P3H2: variants seen among roughly 807,000 people sequenced by gnomAD.
The protein encoded by P3H2 is prolyl 3-hydroxylase 2.
A neutral mutation model predicts 87.0 loss-of-function variants in P3H2; 80 were observed. The observed-to-expected ratio is 0.92, with a 90% CI of 0.77 to 1.11. The LOEUF is 1.11. Ranked by LOEUF, P3H2 falls within the 50% of genes least tolerant of loss-of-function variation. The pLI is 0.00. For missense variants in P3H2, 1,001 were observed against 923.9 expected (o/e 1.08, Z -1.08); for synonymous variants, 367 against 359.3 (o/e 1.02, Z -0.24).
intron 1 of P3H2, among the ~76,000 whole-genome samples, chr3:190,035,767 C>T (rs1725399701): frequency 6.6e-6 from 1 of 152,150 alleles, no homozygotes. Flanking sequence ...TAAATACCTT[C>T]TGTTGGGCTT....
Position 190,101,060 on chromosome 3 carries a change from C to T in P3H2, c.480+19192G>A, listed in dbSNP as rs113833895. On this transcript the variant is annotated intron_variant, in intron 1 of 14. Coordinates refer to ENST00000319332, the MANE Select transcript of P3H2 (RefSeq NM_018192.4). ...ACTATTGCAGCTGGTTCGGGCCCCA[C>T]AAACCATGCCCATATAAGATGGCAA... Among the ~76,000 whole-genome samples, 948 of 152,156 alleles carry T rather than the reference C, an allele frequency of 6.2e-3. 7 individuals carry two copies. Among genetic ancestry groups the T allele is most frequent in the African/African-American group, 0.022 (921 of 41,492 alleles).
intron 1 of P3H2, among the ~76,000 whole-genome samples, chr3:190,026,034 G>C (rs186318865): frequency 1.3e-5 from 2 of 151,738 alleles, no homozygotes; most frequent in Non-Finnish European, 2.9e-5. Flanking sequence ...ATTATTTCTC[G>C]GGCCCTTGAA....
At chr3:190,042,558 T>C (rs1345579679) in intron 1 of P3H2, among the ~76,000 whole-genome samples, 1 of 152,152 alleles carries the variant, frequency 6.6e-6, no homozygotes, top group Non-Finnish European at 1.5e-5. Flanking sequence ...ATATAAGATG[T>C]TAGTATATTT....
At chr3:190,051,977 T>C (rs1345302558) in intron 1 of P3H2, among the ~76,000 whole-genome samples, 2 of 152,196 alleles carry the variant, frequency 1.3e-5, no homozygotes, top group African/African-American at 4.8e-5. Context: ...AAAAACTACA[T>C]ACCACAAAAT....
intron 1 of P3H2, among the ~76,000 whole-genome samples, chr3:190,047,689 T>C (rs975781990): frequency 6.6e-6 from 1 of 152,162 alleles, no homozygotes; most frequent in African/African-American, 2.4e-5. Flanking sequence ...AAGACAAATA[T>C]TGCATGTTCT....
chr3:189,990,707 G>A (rs1026639125), intron 3 of P3H2, among the ~76,000 whole-genome samples: 3 of 152,054 alleles, frequency 2.0e-5, no homozygotes, highest in Non-Finnish European at 2.9e-5. Flanking sequence ...ACCTAATTTA[G>A]GACAATTTTG....
At chr3:190,113,100 T>C (rs751213151) in intron 1 of P3H2, among the ~76,000 whole-genome samples, 2 of 152,202 alleles carry the variant, frequency 1.3e-5, no homozygotes, top group Non-Finnish European at 2.9e-5. Flanking sequence ...CTGAAGGCAA[T>C]GGGTTTACTG....
rs1208903958 is a variant in P3H2 at position 190,049,676 on chromosome 3, C to T, written c.481-54234G>A. On this transcript the variant is annotated intron_variant, in intron 1 of 14. Coordinates refer to ENST00000319332, the MANE Select transcript of P3H2 (RefSeq NM_018192.4). ...CTATCTATAAATAAGACTTAAAACC[C>T]ACCCTCGGCTACATAGATACACACA... Among the ~76,000 whole-genome samples the T allele has an allele frequency of 2.6e-5, 4 of 152,108 alleles. No individual in the cohort carries two copies. In the East Asian group the frequency reaches 7.7e-4, roughly 29 times the overall value.
At chr3:189,977,417 CT>C (rs1027997527) in intron 8 of P3H2, among the ~76,000 whole-genome samples, 2 of 152,174 alleles carry the variant, frequency 1.3e-5, no homozygotes, top group African/African-American at 2.4e-5. Flanking sequence ...AGTCCAACAA[CT>C]TTTTGGGAAC....
At chr3:189,985,447 G>T (rs1261356976) in intron 6 of P3H2, among the ~76,000 whole-genome samples, 2 of 151,544 alleles carry the variant, frequency 1.3e-5, no homozygotes, top group East Asian at 3.9e-4. Context: ...GTACTTTTAT[G>T]CATTACTAGG....
chr3:190,092,526 A>G (rs548122895), intron 1 of P3H2, among the ~76,000 whole-genome samples: 5 of 152,212 alleles, frequency 3.3e-5, no homozygotes, highest in Non-Finnish European at 7.3e-5. Context: ...TATCTTTAAA[A>G]ATAAGGAAAA....
chr3:190,022,407 A>G (rs937445895), intron 1 of P3H2, among the ~76,000 whole-genome samples: 19 of 135,392 alleles, frequency 1.4e-4, no homozygotes, highest in African/African-American at 4.8e-4. Flanking sequence ...GCTTTTCTAA[A>G]CCCATGGTAA....
chr3:189,978,974 C>T (rs1406901286), intron 8 of P3H2, among the ~76,000 whole-genome samples: 1 of 152,146 alleles, frequency 6.6e-6, no homozygotes, highest in Non-Finnish European at 1.5e-5. Context: ...CTGGTTGCAA[C>T]AAGAAGGGAT....
intron 1 of P3H2, among the ~76,000 whole-genome samples, chr3:190,088,263 C>T (rs755592239): frequency 3.3e-5 from 5 of 152,082 alleles, no homozygotes; most frequent in Non-Finnish European, 5.9e-5. Flanking sequence ...TTATTATGTA[C>T]AATACATCTG....
At chr3:190,030,080 AAAAATATATAATTACAT>A (rs1725207196) in intron 1 of P3H2, among the ~76,000 whole-genome samples, 1 of 152,126 alleles carries the variant, frequency 6.6e-6, no homozygotes, top group African/African-American at 2.4e-5. Context: ...ATAGCTGTAT[AAAAATATATAATTACAT>A]AAAATGTTTA....
At chr3:190,040,043 T>C (rs962599861) in intron 1 of P3H2, among the ~76,000 whole-genome samples, 5 of 152,250 alleles carry the variant, frequency 3.3e-5, no homozygotes, top group African/African-American at 4.8e-5. Flanking sequence ...TTGCATTAGA[T>C]ATTTCTTAAA....
At chr3:190,113,867 G>C (rs963107284) in intron 1 of P3H2, among the ~76,000 whole-genome samples, 6 of 151,990 alleles carry the variant, frequency 3.9e-5, no homozygotes, top group Admixed American at 1.3e-4. Context: ...CACGAGGTCG[G>C]GAGTTCGAGA....
intron 1 of P3H2, among the ~76,000 whole-genome samples, chr3:190,018,221 A>G (rs1348176046): frequency 6.6e-6 from 1 of 152,180 alleles, no homozygotes; most frequent in African/African-American, 2.4e-5. Context: ...AATCACTCAC[A>G]TTTGCCACTA....
intron 1 of P3H2, among the ~76,000 whole-genome samples, chr3:190,057,956 T>A (rs1471635006): frequency 6.6e-6 from 1 of 151,866 alleles, no homozygotes; most frequent in Non-Finnish European, 1.5e-5. Flanking sequence ...TACTCATTAA[T>A]GAGAAAAAAA....
Sources: gnomAD v4.1 joint callset for allele counts (sites outside exome capture counted in the v4.1 genomes callset) on GRCh38, gnomAD v4.1.1 for gene constraint, MANE v1.5 for transcripts, NCBI Gene and HGNC (gene_info 2026-07-23, HGNC 2026-07-21) for gene names.